Variants in RNGTT observed in about 807,000 individuals in gnomAD.
RNGTT encodes the protein mRNA-capping enzyme.
RNGTT carries 33 observed loss-of-function variants against 79.3 expected under a neutral mutation model. That is an observed-to-expected ratio of 0.42 (90% CI 0.32 to 0.56). The LOEUF (loss-of-function observed/expected upper bound fraction) is 0.56. Ranked by LOEUF, RNGTT falls within the 20% of genes least tolerant of loss-of-function variation. The pLI, the probability that RNGTT is intolerant of heterozygous loss-of-function variation, is 0.17. For missense variants in RNGTT, 497 were observed against 739.1 expected, an observed-to-expected ratio of 0.67 and a Z score of 3.80; for synonymous variants, 222 against 235.9, an observed-to-expected ratio of 0.94 and a Z score of 0.54.
intron 14 of RNGTT, among the ~76,000 whole-genome samples, chr6:88,649,448 C>T (rs186683559): frequency 0.018 from 2,712 of 152,312 alleles, 36 homozygotes; most frequent in Non-Finnish European, 0.031. Flanking sequence ...CCTGTAATCC[C>T]AGCACTTTGG....
chr6:88,914,512 A>T (rs1381241207), intron 4 of RNGTT, among the ~76,000 whole-genome samples: 1 of 148,120 alleles, frequency 6.8e-6, no homozygotes, highest in Non-Finnish European at 1.5e-5. Flanking sequence ...GATCTTCAAC[A>T]AAGTCACAAA....
chr6:88,831,585 A>T (rs1780868246), intron 11 of RNGTT, among the ~76,000 whole-genome samples: 1 of 152,168 alleles, frequency 6.6e-6, no homozygotes, highest in Admixed American at 6.5e-5. Flanking sequence ...GAAGTTCTGG[A>T]CAGGGCAATC....
At chr6:88,894,946 T>A (rs1783184232) in intron 6 of RNGTT, among the ~76,000 whole-genome samples, 1 of 152,126 alleles carries the variant, frequency 6.6e-6, no homozygotes, top group Admixed American at 6.5e-5. Context: ...AAATAAATTT[T>A]AAATAGCAAT....
chr6:88,787,493 T>C (rs1443348319), intron 12 of RNGTT, among the ~76,000 whole-genome samples: 1 of 152,140 alleles, frequency 6.6e-6, no homozygotes, highest in Non-Finnish European at 1.5e-5. Context: ...ACCCCGTCTC[T>C]ACTAAAAATA....
intron 8 of RNGTT, among the ~76,000 whole-genome samples, chr6:88,856,417 TACACAC>T (rs138693589): frequency 6.7e-6 from 1 of 150,138 alleles, no homozygotes; most frequent in African/African-American, 2.4e-5. Flanking sequence ...GTATTTATTT[TACACAC>T]ACACACACAC....
At chr6:88,826,730 C>A (rs1020659968) in intron 11 of RNGTT, among the ~76,000 whole-genome samples, 1 of 148,914 alleles carries the variant, frequency 6.7e-6, no homozygotes. Context: ...TTGCGATGAG[C>A]CAATATCACA....
At chr6:88,934,442 A>G (rs1019833197) in intron 2 of RNGTT, among the ~76,000 whole-genome samples, 46 of 151,936 alleles carry the variant, frequency 3.0e-4, no homozygotes, top group African/African-American at 9.9e-4. Context: ...TTTTTCATAT[A>G]TCTGTTGGCC....
intron 14 of RNGTT, among the ~76,000 whole-genome samples, chr6:88,668,850 G>A (rs1003286170): frequency 6.6e-6 from 1 of 152,008 alleles, no homozygotes; most frequent in African/African-American, 2.4e-5. Flanking sequence ...ATGGGATGTG[G>A]TTCTCTCAGT....
Position 88,744,859 on chromosome 6 carries a change from A to G in RNGTT, c.1439+24915T>C, listed in dbSNP as rs555502083. Reference sequence around the variant, plus strand: ...CAAGTATTTGGGAAGTTAACGAAACATTACAAATATGATGCTTAATATAAA... The same window carrying G: ...CAAGTATTTGGGAAGTTAACGAAACGTTACAAATATGATGCTTAATATAAA... On this transcript the variant is annotated intron_variant, in intron 13 of 15. Transcript: ENST00000369485. Among the ~76,000 whole-genome samples the G allele has an allele frequency of 7.2e-5, 11 of 152,332 alleles. No homozygotes were observed. In the South Asian group the frequency reaches 1.0e-3, roughly 14 times the overall value.
intron 6 of RNGTT, among the ~76,000 whole-genome samples, chr6:88,896,852 C>A (rs979324301): frequency 3.3e-5 from 5 of 152,156 alleles, no homozygotes; most frequent in Non-Finnish European, 5.9e-5. Context: ...TTGGTAACAT[C>A]AACATCCATT....
chr6:88,646,479 C>A (rs1372178724), intron 14 of RNGTT, among the ~76,000 whole-genome samples: 1 of 152,164 alleles, frequency 6.6e-6, no homozygotes, highest in Non-Finnish European at 1.5e-5. Flanking sequence ...TTGACCCAGC[C>A]ATCCCATTAC....
intron 11 of RNGTT, among the ~76,000 whole-genome samples, chr6:88,827,177 T>C (rs759399048): frequency 2.0e-5 from 3 of 152,098 alleles, no homozygotes; most frequent in Non-Finnish European, 4.4e-5. Context: ...TCTGCATTTC[T>C]AACTGAAGTA....
chr6:88,738,839 T>C (rs1254279954), intron 13 of RNGTT, among the ~76,000 whole-genome samples: 2 of 142,598 alleles, frequency 1.4e-5, no homozygotes, highest in East Asian at 2.0e-4. Flanking sequence ...ATAAATAAAA[T>C]ACACACACAC....
Position 88,611,691 on chromosome 6 carries a change from G to T in RNGTT, c.*1028C>A, listed in dbSNP as rs1474966619. ...CTACAGATGTCTACACTTTGCCTCT[G>T]CATTTATCTAGCAGTGGGAGAGCAT... is the stretch of plus-strand genomic sequence containing the variant. On this transcript the variant is annotated 3_prime_UTR_variant, in exon 16 of 16. Coordinates refer to ENST00000369485, the MANE Select transcript of RNGTT (RefSeq NM_003800.5). 6.6e-6 allele frequency: 1 copy of T among 152,602 alleles called. No homozygotes were observed. The highest frequency in any genetic ancestry group is 2.4e-5 in the African/African-American group (1 of 41,454). 9.5% of individuals were successfully genotyped at this position (152,602 alleles called of 1,614,324 possible). A position where few individuals can be genotyped will look rare whatever the true frequency, so the allele number is the denominator to read the frequency against.
intron 13 of RNGTT, among the ~76,000 whole-genome samples, chr6:88,733,241 G>C (rs1458230161): frequency 1.3e-5 from 2 of 151,998 alleles, no homozygotes; most frequent in Non-Finnish European, 2.9e-5. Context: ...CATCCCTGTA[G>C]TCCCAGCTAC....
chr6:88,886,071 C>T (rs1185975976), intron 8 of RNGTT, among the ~76,000 whole-genome samples: 4 of 152,062 alleles, frequency 2.6e-5, no homozygotes, highest in African/African-American at 7.2e-5. Context: ...TTTGGGAGGC[C>T]GAGGCAGGCG....
At chr6:88,753,100 C>T (rs1018986439) in intron 13 of RNGTT, among the ~76,000 whole-genome samples, 2 of 151,738 alleles carry the variant, frequency 1.3e-5, no homozygotes, top group Non-Finnish European at 2.9e-5. Flanking sequence ...CTTTTATTTC[C>T]CCCTAAAATT....
At chr6:88,824,034 A>T (rs1265542898) in intron 11 of RNGTT, among the ~76,000 whole-genome samples, 1 of 152,376 alleles carries the variant, frequency 6.6e-6, no homozygotes, top group South Asian at 2.1e-4. Flanking sequence ...ATACATCAAG[A>T]TAAGTTTTAT....
At position 88,849,766 on chromosome 6, in the gene RNGTT, TTA is replaced by T; in HGVS notation, c.1091_1092del (p.Ile364AsnfsTer2). On this transcript the variant is annotated frameshift_variant, in exon 10 of 16. Coordinates refer to ENST00000369485, the MANE Select transcript of RNGTT (RefSeq NM_003800.5). LOFTEE classifies it high-confidence loss of function. ...QAVPRYLIYD[I>X]IKFNSQPVGD... ...TTATAGGTACTTACATTGAATTTAA[TTA>T]TGTCATATATCAAATATCTAGGAAC... is the stretch of plus-strand genomic sequence containing the variant. The T allele has an allele frequency of 6.4e-7, 1 of 1,552,018 alleles. No homozygotes were observed. The highest frequency in any genetic ancestry group is 8.7e-7 in the Non-Finnish European group (1 of 1,148,666).
Sources: gnomAD v4.1 joint callset for allele counts (sites outside exome capture counted in the v4.1 genomes callset) on GRCh38, gnomAD v4.1.1 for gene constraint, MANE v1.5 for transcripts, NCBI Gene and HGNC (gene_info 2026-07-23, HGNC 2026-07-21) for gene names.